The following GDAP1 variants were observed in gnomAD, a reference collection of about 807,000 sequenced individuals.
GDAP1 encodes the protein ganglioside-induced differentiation-associated protein 1.
Under a neutral mutation model 40.1 loss-of-function variants are expected in GDAP1, and 34 were observed. The ratio of observed to expected loss-of-function variants is 0.85; its 90% CI spans 0.64 to 1.13. The LOEUF is 1.13. Ranked by LOEUF, GDAP1 falls within the 50% of genes most tolerant of loss-of-function variation. The pLI, the probability that GDAP1 is intolerant of heterozygous loss-of-function variation, is 0.00. For missense variants in GDAP1, 374 were observed against 433.7 expected, an observed-to-expected ratio of 0.86 and a Z score of 1.22; for synonymous variants, 170 against 157.4, an observed-to-expected ratio of 1.08 and a Z score of -0.60.
intron 2 of GDAP1, among the ~76,000 whole-genome samples, chr8:74,431,564 C>A (rs1189590594): frequency 6.6e-6 from 1 of 152,132 alleles, no homozygotes; most frequent in Admixed American, 6.5e-5. Flanking sequence ...TCACTGCAAG[C>A]TCCGCCTCCC....
chr8:74,431,554 T>G (rs1806025454), intron 2 of GDAP1, among the ~76,000 whole-genome samples: 1 of 152,118 alleles, frequency 6.6e-6, no homozygotes, highest in African/African-American at 2.4e-5. Flanking sequence ...GGATCTCCGC[T>G]CACTGCAAGC....
At chr8:74,368,072 G>T (rs1398929759), downstream of GDAP1, among the ~76,000 whole-genome samples, 1 of 152,136 alleles carries the variant, frequency 6.6e-6, no homozygotes, top group Non-Finnish European at 1.5e-5. Context: ...TTTGTCTTCA[G>T]TCTTTTACTT....
chr8:74,364,528 G>A lies in GDAP1; in HGVS notation c.*161G>A. On this transcript the variant is annotated 3_prime_UTR_variant, in exon 6 of 6. Coordinates refer to ENST00000220822, the MANE Select transcript of GDAP1 (RefSeq NM_018972.4). ...CAACACAGGGGTTCAGGTAGCAATA[G>A]GACACAAAATTGCTTTATTCTACAA... The A allele has an allele frequency of 5.2e-6, 4 of 774,036 alleles. No homozygotes were observed. Among genetic ancestry groups the A allele is most frequent in the Non-Finnish European group, 8.9e-6 (4 of 448,542 alleles). 47.9% of individuals were successfully genotyped at this position (774,036 alleles called of 1,614,324 possible). A position where few individuals can be genotyped will look rare whatever the true frequency, so the allele number is the denominator to read the frequency against.
chr8:74,425,330 T>G (rs1321466569), intron 2 of GDAP1, among the ~76,000 whole-genome samples: 1 of 152,240 alleles, frequency 6.6e-6, no homozygotes, highest in African/African-American at 2.4e-5. Context: ...ACCTTAGCCT[T>G]GTTTAAATTG....
At chr8:74,398,318 G>A (rs1026606233) in intron 2 of GDAP1, among the ~76,000 whole-genome samples, 2 of 152,046 alleles carry the variant, frequency 1.3e-5, no homozygotes, top group Non-Finnish European at 2.9e-5. Flanking sequence ...CGTTTGCTTG[G>A]TAGATCTTCC....
At chr8:74,469,865 T>C (rs1252542086) in intron 2 of GDAP1, among the ~76,000 whole-genome samples, 2 of 151,398 alleles carry the variant, frequency 1.3e-5, no homozygotes, top group Non-Finnish European at 2.9e-5. Context: ...TCCCAGCTAC[T>C]CGGGAGGCTG....
chr8:74,397,140 T>G (rs1810214107), intron 2 of GDAP1, among the ~76,000 whole-genome samples: 2 of 152,138 alleles, frequency 1.3e-5, no homozygotes, highest in South Asian at 4.1e-4. Context: ...ATCTGTTGGA[T>G]GCATAAAAGT....
intron 4 of GDAP1, among the ~76,000 whole-genome samples, 155 bp from the exon 5 acceptor site, chr8:74,362,784 C>CT (rs1284434868): frequency 0.02 from 1,217 of 60,466 alleles, 78 homozygotes; most frequent in African/African-American, 0.072. Context: ...CTCTCTCTCT[C>CT]TTTTTTTTTT....
intron 2 of GDAP1, among the ~76,000 whole-genome samples, chr8:74,447,214 A>C (rs958451844): frequency 1.3e-5 from 2 of 152,088 alleles, no homozygotes; most frequent in African/African-American, 4.8e-5. Flanking sequence ...TGCTCTTTTT[A>C]CCCTGTGTCT....
intron 2 of GDAP1, among the ~76,000 whole-genome samples, chr8:74,391,807 T>A (rs1810114121): frequency 6.6e-6 from 1 of 152,112 alleles, no homozygotes; most frequent in Non-Finnish European, 1.5e-5. Context: ...ATTATTGACT[T>A]CAGATATAAG....
intron 2 of GDAP1, among the ~76,000 whole-genome samples, chr8:74,401,660 C>A (rs189838674): frequency 6.7e-6 from 1 of 149,724 alleles, no homozygotes; most frequent in African/African-American, 2.6e-5. Context: ...TTTTCTGCTC[C>A]GTTTTTTTCC....
intron 4 of GDAP1, among the ~76,000 whole-genome samples, 155 bp from the exon 5 acceptor site, chr8:74,362,784 C>CTCTCTTTTTTT (rs1300148699): frequency 3.3e-5 from 2 of 60,450 alleles, no homozygotes; most frequent in African/African-American, 1.3e-4. Context: ...CTCTCTCTCT[C>CTCTCTTTTTTT]TTTTTTTTTT....
chr8:74,434,564 AACAG>A (rs1806066069), intron 2 of GDAP1, among the ~76,000 whole-genome samples: 1 of 152,350 alleles, frequency 6.6e-6, no homozygotes, highest in Non-Finnish European at 1.5e-5. Context: ...TGGCTCTAGG[AACAG>A]ACAAAGTATG....
intron 2 of GDAP1, among the ~76,000 whole-genome samples, chr8:74,468,670 CA>C (rs1327826943): frequency 6.6e-6 from 1 of 152,092 alleles, no homozygotes; most frequent in Admixed American, 6.6e-5. Flanking sequence ...CTAATTTACT[CA>C]ATTCTCTTAT....
chr8:74,354,994 C>T (rs1042585778), intron 2 of GDAP1, among the ~76,000 whole-genome samples: 5 of 152,072 alleles, frequency 3.3e-5, no homozygotes, highest in East Asian at 3.9e-4. Flanking sequence ...GGGGATTATG[C>T]GAAAAACGAT....
At chr8:74,449,563 T>A (rs1341977602) in intron 2 of GDAP1, among the ~76,000 whole-genome samples, 4 of 151,874 alleles carry the variant, frequency 2.6e-5, no homozygotes. Flanking sequence ...TATTCCCAAG[T>A]ATTTTATGTT....
At chr8:74,465,194 C>T (rs1806453418) in intron 2 of GDAP1, among the ~76,000 whole-genome samples, 2 of 151,894 alleles carry the variant, frequency 1.3e-5, no homozygotes, top group East Asian at 3.9e-4. Flanking sequence ...GCACTCCAGC[C>T]TGGGTGACAG....
chr8:74,398,745 GT>G (rs1427071014), intron 2 of GDAP1, among the ~76,000 whole-genome samples: 1 of 152,022 alleles, frequency 6.6e-6, no homozygotes, highest in Non-Finnish European at 1.5e-5. Flanking sequence ...TTTATTGAGA[GT>G]TTTTAGCATG....
intron 2 of GDAP1, among the ~76,000 whole-genome samples, chr8:74,461,135 T>G (rs1806395653): frequency 1.3e-5 from 2 of 152,194 alleles, no homozygotes; most frequent in South Asian, 4.1e-4. Context: ...TTTTCTGCTC[T>G]TAGCCATAAA....
Sources: gnomAD v4.1 joint callset for allele counts (sites outside exome capture counted in the v4.1 genomes callset) on GRCh38, gnomAD v4.1.1 for gene constraint, MANE v1.5 for transcripts, NCBI Gene and HGNC (gene_info 2026-07-23, HGNC 2026-07-21) for gene names.